MINAR1: variants seen among roughly 807,000 people sequenced by gnomAD.
The protein encoded by MINAR1 is membrane integral NOTCH2 associated receptor 1.
Under a neutral mutation model 65.1 loss-of-function variants are expected in MINAR1, and 40 were observed. The observed-to-expected ratio is 0.61, with a 90% confidence interval of 0.48 to 0.80. The LOEUF is 0.80. Among genes scored for constraint, MINAR1 ranks in the 30% least tolerant of loss-of-function variants. MINAR1 has a pLI of 0.00. For missense variants in MINAR1, 1,128 were observed against 1,148.0 expected (o/e 0.98, Z 0.25); for synonymous variants, 482 against 449.1 (o/e 1.07, Z -0.93).
chr15:79,457,534 A>C lies in MINAR1; in HGVS notation c.1387A>C (p.Thr463Pro). 6.2e-7 allele frequency: 1 copy of C among 1,614,162 alleles called. No individual in the cohort carries two copies. The highest frequency in any genetic ancestry group is 2.2e-5 in the East Asian group (1 of 44,882). Residue 463 changes from threonine (T) to proline (P), a missense_variant, in exon 2 of 4, where the codon ACC (threonine) becomes CCC (proline). Coordinates refer to ENST00000305428, the MANE Select transcript of MINAR1 (RefSeq NM_015206.3). ...GTTTAAAGACAAGAGCATTAACTGC[A>C]CCAGTGGGCAGCTCAGCTCAGACAC... is the stretch of plus-strand genomic sequence containing the variant. ...KKFKDKSINC[T>P]SGQLSSDTSS...
Position 79,469,548 on chromosome 15 carries a change from T to G in MINAR1, c.*1164T>G, listed in dbSNP as rs1895999483. ...AACCACTTATCTATATGTCTATCTA[T>G]CTATCTATATGTCTATCTATCTATC... On this transcript the variant is annotated 3_prime_UTR_variant, in exon 4 of 4. Coordinates refer to ENST00000305428, the MANE Select transcript of MINAR1 (RefSeq NM_015206.3). 6.6e-6 allele frequency: 1 copy of G among 151,636 alleles called. No individual in the cohort carries two copies. The allele number at this position is 151,636 out of a possible 1,614,324, so 9.4% of individuals were successfully genotyped here.
chr15:79,446,329 A>G (rs1895016365), intron 1 of MINAR1, among the ~76,000 whole-genome samples: 1 of 152,164 alleles, frequency 6.6e-6, no homozygotes, highest in Non-Finnish European at 1.5e-5. Flanking sequence ...GATTAGAATT[A>G]ACTATATATT....
chr15:79,445,411 T>C (rs376727971), intron 1 of MINAR1, among the ~76,000 whole-genome samples: 1 of 152,192 alleles, frequency 6.6e-6, no homozygotes, highest in Admixed American at 6.5e-5. Flanking sequence ...GTATTTAAAT[T>C]TGGGCAATTT....
chr15:79,460,114 T>A (rs1421723261), intron 2 of MINAR1, among the ~76,000 whole-genome samples: 1 of 152,242 alleles, frequency 6.6e-6, no homozygotes, highest in Admixed American at 6.5e-5. Context: ...ATCCGCTCGA[T>A]AGGTCTAACA....
At chr15:79,445,096 G>A (rs1450343749) in intron 1 of MINAR1, among the ~76,000 whole-genome samples, 1 of 151,774 alleles carries the variant, frequency 6.6e-6, no homozygotes, top group African/African-American at 2.4e-5. Context: ...TTATTTTCCT[G>A]GTGAGTTGTT....
rs574789035 is a variant in MINAR1 at position 79,466,551 on chromosome 15, G to GA, written c.2554-1629dup. ...ATTTTTTTTCAACCATTTAAAAATG[G>GA]AAAAAAATCACTAAAAATCACTCGT... On this transcript the variant is annotated intron_variant, in intron 3 of 3. Coordinates refer to ENST00000305428, the MANE Select transcript of MINAR1 (RefSeq NM_015206.3). Among the ~76,000 whole-genome samples the GA allele has an allele frequency of 4.6e-5, 7 of 152,038 alleles. No individual in the cohort carries two copies. In the East Asian group the frequency reaches 1.4e-3, roughly 29 times the overall value.
intron 1 of MINAR1, among the ~76,000 whole-genome samples, chr15:79,453,607 C>T (rs558415125): frequency 3.3e-5 from 5 of 152,296 alleles, no homozygotes; most frequent in South Asian, 2.1e-4. Context: ...CTCTGGTTCT[C>T]GTTGGTGCAT....
intron 1 of MINAR1, among the ~76,000 whole-genome samples, chr15:79,453,266 G>A (rs1052871598): frequency 3.3e-5 from 5 of 152,140 alleles, no homozygotes; most frequent in African/African-American, 7.2e-5. Context: ...GTCAGTAGGC[G>A]GTGGATGCTT....
chr15:79,456,485 G>T lies in MINAR1; in HGVS notation c.338G>T (p.Arg113Leu), dbSNP rs762688621. Residue 113 changes from arginine to leucine, a missense_variant, in exon 2 of 4, where the codon CGC (arginine) becomes CTC (leucine). Arg to Leu is a moderately radical substitution (Grantham distance 102). Transcript: ENST00000305428. ...EKLPTGRQKV[R>L]KKEASFESCR... ...CTGCCCACGGGCCGCCAGAAGGTAC[G>T]CAAGAAGGAGGCATCCTTTGAATCA... 8.7e-6 allele frequency: 14 copies of T among 1,613,902 alleles called. No individual in the cohort carries two copies. The East Asian group carries it at 2.7e-4, about 31-fold the overall frequency.
At chr15:79,466,631 A>G (rs1158014537) in intron 3 of MINAR1, among the ~76,000 whole-genome samples, 1 of 152,056 alleles carries the variant, frequency 6.6e-6, no homozygotes, top group Non-Finnish European at 1.5e-5. Context: ...TGCAGGCCAT[A>G]GTGTGTCTAC....
chr15:79,457,360 T>A lies in MINAR1; in HGVS notation c.1213T>A (p.Phe405Ile). ...YPNASSQTPN[F>I]PAPERRPTYL... ...AAATGCCAGTAGCCAGACCCCCAAT[T>A]TCCCAGCCCCAGAAAGGCGCCCAAC... The change falls in exon 2 of 4, where the codon TTC (phenylalanine) becomes ATC (isoleucine). Residue 405 changes from phenylalanine to isoleucine, a missense_variant. Coordinates refer to ENST00000305428, the MANE Select transcript of MINAR1 (RefSeq NM_015206.3). The A allele has an allele frequency of 1.9e-6, 3 of 1,614,026 alleles. No individual in the cohort carries two copies. Among genetic ancestry groups the A allele is most frequent in the Non-Finnish European group, 2.5e-6 (3 of 1,180,006 alleles).
chr15:79,442,511 C>A (rs1894898323), intron 1 of MINAR1, among the ~76,000 whole-genome samples: 1 of 150,242 alleles, frequency 6.7e-6, no homozygotes, highest in Non-Finnish European at 1.5e-5. Context: ...TTTATTTTGA[C>A]CAGAATTCTT....
chr15:79,421,327 C>T, the MINAR1 span: 1 of 152,196 alleles, frequency 6.6e-6, no homozygotes, highest in Non-Finnish European at 1.5e-5. Context: ...ATGATAGTGA[C>T]CTCCTTATGG....
At chr15:79,443,367 G>A (rs2141281908) in intron 1 of MINAR1, among the ~76,000 whole-genome samples, 1 of 152,336 alleles carries the variant, frequency 6.6e-6, no homozygotes. Flanking sequence ...CAGGAGTAGA[G>A]AAACTTGCAG....
intron 1 of MINAR1, among the ~76,000 whole-genome samples, chr15:79,436,688 C>T (rs1894607399): frequency 6.6e-6 from 1 of 152,212 alleles, no homozygotes; most frequent in Non-Finnish European, 1.5e-5. Context: ...GCTCAATAGA[C>T]TCCATGCATA....
Position 79,463,415 on chromosome 15 carries a change from A to C in MINAR1, c.2553+94A>C, listed in dbSNP as rs1036289680. ...ACGGACGGCTTAGACCGGCCAGCCCACTTCCACACCCTTCAACTCCCTGGG... is the reference window on the plus strand; with the variant it reads ...ACGGACGGCTTAGACCGGCCAGCCCCCTTCCACACCCTTCAACTCCCTGGG... On this transcript the variant is annotated intron_variant, in intron 3 of 3. Coordinates refer to ENST00000305428, the MANE Select transcript of MINAR1 (RefSeq NM_015206.3). 10 of 1,459,796 alleles carry C rather than the reference A, an allele frequency of 6.9e-6. No homozygotes were observed. In the African/African-American group the frequency reaches 1.3e-4, roughly 18 times the overall value. The allele number at this position is 1,459,796 out of a possible 1,614,324, so 90.4% of individuals were successfully genotyped here. A position where few individuals can be genotyped will look rare whatever the true frequency, so the allele number is the denominator to read the frequency against.
intron 1 of MINAR1, among the ~76,000 whole-genome samples, chr15:79,453,325 A>T (rs1038541385): frequency 2.6e-5 from 4 of 152,064 alleles, no homozygotes; most frequent in Non-Finnish European, 5.9e-5. Flanking sequence ...CAGCGTCAGA[A>T]GACCTGGGTT....
At chr15:79,459,690 G>A (rs1895576893) in intron 2 of MINAR1, among the ~76,000 whole-genome samples, 2 of 152,120 alleles carry the variant, frequency 1.3e-5, no homozygotes, top group Admixed American at 1.3e-4. Flanking sequence ...GTAAAACTGG[G>A]TTTTAAGGAA....
At chr15:79,462,926 C>T in intron 2 of MINAR1, 141 bp from the exon 3 acceptor site, 1 of 820,952 alleles carries the variant, frequency 1.2e-6, no homozygotes, top group Non-Finnish European at 1.9e-6. Context: ...TATGGTTATG[C>T]TTTCATACTT....
Sources: allele counts gnomAD v4.1 joint callset (sites outside exome capture counted in the v4.1 genomes callset), GRCh38; gene constraint gnomAD v4.1.1; transcripts MANE v1.5; gene names NCBI Gene and HGNC (gene_info 2026-07-23, HGNC 2026-07-21).